Variants in SPECC1 observed in about 807,000 individuals in gnomAD.
SPECC1 encodes cytospin-B.
SPECC1 carries 62 observed loss-of-function variants against 104.1 expected under a neutral mutation model. The ratio of observed to expected loss-of-function variants is 0.60; its 90% confidence interval spans 0.49 to 0.74. The LOEUF (loss-of-function observed/expected upper bound fraction) is 0.74, where lower values mean the gene tolerates loss of function less well. Among genes scored for constraint, SPECC1 ranks in the 30% least tolerant of loss-of-function variants. SPECC1 has a pLI of 0.00. For missense variants in SPECC1, 1,306 were observed against 1,310.5 expected (o/e 1.00, Z 0.05); for synonymous variants, 513 against 501.6 (o/e 1.02, Z -0.30).
At chr17:20,300,010 A>G (rs2041515057) in intron 13 of SPECC1, among the ~76,000 whole-genome samples, 3 of 152,248 alleles carry the variant, frequency 2.0e-5, no homozygotes, top group Non-Finnish European at 4.4e-5. Flanking sequence ...AGCACTTGAA[A>G]TGTGGCAGAT....
chr17:20,158,083 G>A (rs2032768889), intron 3 of SPECC1, among the ~76,000 whole-genome samples: 1 of 152,190 alleles, frequency 6.6e-6, no homozygotes, highest in Non-Finnish European at 1.5e-5. Flanking sequence ...GGAAATTAGA[G>A]CTTTGTTAAA....
chr17:20,294,803 A>G (rs1323267387), intron 12 of SPECC1, among the ~76,000 whole-genome samples: 3 of 152,078 alleles, frequency 2.0e-5, no homozygotes, highest in Non-Finnish European at 4.4e-5. Context: ...TTTGAGAATA[A>G]GATATCTTTG....
intron 5 of SPECC1, 152 bp downstream of exon 5, chr17:20,227,772 G>C: frequency 1.5e-6 from 1 of 668,232 alleles, no homozygotes; most frequent in Non-Finnish European, 2.4e-6. Context: ...AAAATTAGCC[G>C]GGCGTGGTGG....
chr17:20,048,905 A>T (rs2045640917), intron 1 of SPECC1, among the ~76,000 whole-genome samples: 1 of 152,180 alleles, frequency 6.6e-6, no homozygotes, highest in Non-Finnish European at 1.5e-5. Context: ...AAAGAAAAAA[A>T]AAAATTCCCA....
chr17:20,066,030 C>T lies in SPECC1; in HGVS notation c.-21-30601C>T, dbSNP rs149008920. ...TCTGTATCTATATCTATCTATCAGT[C>T]AATCATAACAACATACCATCAGATA... On this transcript the variant is annotated intron_variant, in intron 1 of 14. Coordinates refer to ENST00000395527, the MANE Select transcript of SPECC1 (RefSeq NM_001243439.2). Among the ~76,000 whole-genome samples the T allele has an allele frequency of 4.4e-3, 665 of 152,296 alleles. 1 individual carries two copies. Among genetic ancestry groups the T allele is most frequent in the Middle Eastern group, 0.02 (6 of 294 alleles).
In SPECC1 at chr17:20,282,143, G is replaced by A. The variant is rs78448425; in HGVS notation, c.2941-14818G>A. 3.1e-3 allele frequency among the ~76,000 whole-genome samples: 470 copies of A among 152,382 alleles called. 18 individuals carry two copies. In the East Asian group the frequency reaches 0.084, roughly 27 times the overall value. On this transcript the variant is annotated intron_variant, in intron 12 of 14. Coordinates refer to ENST00000395527, the MANE Select transcript of SPECC1 (RefSeq NM_001243439.2). ...AGCCAGTTAACCTCGGGGAAGAAAC[G>A]CCGTGGGTGGGGACTTCTGAGTGTT...
At chr17:20,237,819 T>A (rs1402899037) in intron 7 of SPECC1, 3 of 191,730 alleles carry the variant, frequency 1.6e-5, no homozygotes, top group Non-Finnish European at 2.2e-5. Context: ...CTTGGCTCAT[T>A]GCAAGCTCCG....
intron 1 of SPECC1, among the ~76,000 whole-genome samples, chr17:20,047,658 C>T (rs146574225): frequency 1.0e-3 from 152 of 151,894 alleles, no homozygotes; most frequent in African/African-American, 2.7e-3. Context: ...AGTGCAGTGG[C>T]GTGATCTCGG....
intron 3 of SPECC1, among the ~76,000 whole-genome samples, chr17:20,147,412 T>C (rs758678836): frequency 2.0e-5 from 3 of 152,210 alleles, no homozygotes; most frequent in Non-Finnish European, 4.4e-5. Flanking sequence ...CAAGGAAATT[T>C]GAACTCTGGC....
chr17:20,260,424 G>C (rs2039985342), intron 12 of SPECC1, 130 bp downstream of exon 12: 1 of 735,466 alleles, frequency 1.4e-6, no homozygotes, highest in African/African-American at 1.8e-5. Flanking sequence ...ATTCTCCTAG[G>C]CAGGGCTGCC....
chr17:20,291,562 T>A (rs531367102), intron 12 of SPECC1, among the ~76,000 whole-genome samples: 18 of 152,194 alleles, frequency 1.2e-4, no homozygotes, highest in African/African-American at 2.2e-4. Flanking sequence ...ATTTTTTTTT[T>A]AAAAGACGGT....
At chr17:20,094,761 G>A (rs1400064878) in intron 1 of SPECC1, among the ~76,000 whole-genome samples, 1 of 151,982 alleles carries the variant, frequency 6.6e-6, no homozygotes, top group Non-Finnish European at 1.5e-5. Flanking sequence ...CACCATGCCT[G>A]GCTAATTTTT....
rs1007935089 is a variant in SPECC1 at position 20,217,980 on chromosome 17, C to T, written c.1864-9433C>T. 6.6e-5 allele frequency among the ~76,000 whole-genome samples: 10 copies of T among 152,092 alleles called. No homozygotes were observed. The East Asian group carries it at 9.6e-4, about 15-fold the overall frequency. ...CCAGGAGATAGAGGCTGCAATGACC[C>T]GTGATCGTGCCACTGTGCTCCAGCC... is the stretch of plus-strand genomic sequence containing the variant. On this transcript the variant is annotated intron_variant, in intron 4 of 14. Transcript: ENST00000395527.
chr17:20,162,661 C>T (rs1370979856), intron 3 of SPECC1, among the ~76,000 whole-genome samples: 1 of 152,134 alleles, frequency 6.6e-6, no homozygotes, highest in African/African-American at 2.4e-5. Flanking sequence ...TTTCTAGTCC[C>T]ATCTCATTCT....
chr17:20,168,762 T>G (rs1325181774), intron 3 of SPECC1, among the ~76,000 whole-genome samples: 2 of 152,226 alleles, frequency 1.3e-5, no homozygotes, highest in African/African-American at 4.8e-5. Flanking sequence ...AATTCAGATA[T>G]ATATGTGTGT....
At chr17:20,113,820 T>C (rs1209656069) in intron 3 of SPECC1, among the ~76,000 whole-genome samples, 2 of 152,214 alleles carry the variant, frequency 1.3e-5, no homozygotes, top group Non-Finnish European at 2.9e-5. Flanking sequence ...AGTTTTCTCA[T>C]ACAATCAGCA....
intron 12 of SPECC1, among the ~76,000 whole-genome samples, chr17:20,273,360 C>T (rs2040469096): frequency 6.6e-6 from 1 of 152,028 alleles, no homozygotes; most frequent in Non-Finnish European, 1.5e-5. Context: ...CGCCTGTAGT[C>T]CCAACTGCTT....
At chr17:20,196,186 C>T (rs2036023269) in intron 3 of SPECC1, among the ~76,000 whole-genome samples, 1 of 152,132 alleles carries the variant, frequency 6.6e-6, no homozygotes, top group Non-Finnish European at 1.5e-5. Flanking sequence ...AATCTTTTAC[C>T]AAAAATATAT....
chr17:20,186,249 G>A (rs1471525466), intron 3 of SPECC1, among the ~76,000 whole-genome samples: 1 of 152,116 alleles, frequency 6.6e-6, no homozygotes, highest in Non-Finnish European at 1.5e-5. Context: ...GAGGTTTTTG[G>A]TTTCCTGGTG....
Sources: allele counts gnomAD v4.1 joint callset (sites outside exome capture counted in the v4.1 genomes callset), GRCh38; gene constraint gnomAD v4.1.1; transcripts MANE v1.5; gene names NCBI Gene and HGNC (gene_info 2026-07-23, HGNC 2026-07-21).